NTN1: variants seen among roughly 807,000 people sequenced by gnomAD.
The protein encoded by NTN1 is netrin 1, also known as netrin-1.
In NTN1, 11 loss-of-function variants were observed where a neutral mutation model predicts 54.2. The ratio of observed to expected loss-of-function variants is 0.20; its 90% CI spans 0.13 to 0.34. NTN1 has a LOEUF of 0.34. Ranked by LOEUF, NTN1 falls within the 10% of genes least tolerant of loss-of-function variation. NTN1 has a pLI of 1.00. For synonymous variants in NTN1, 371 were observed against 382.0 expected, an observed-to-expected ratio of 0.97 and a Z score of 0.33; for missense variants, 740 against 893.1, an observed-to-expected ratio of 0.83 and a Z score of 2.18.
intron 2 of NTN1, among the ~76,000 whole-genome samples, chr17:9,029,859 G>T (rs559104306): frequency 1.3e-5 from 2 of 152,220 alleles, no homozygotes; most frequent in South Asian, 4.2e-4. Flanking sequence ...GGGCGTGGTG[G>T]CGTGTGCCTG....
chr17:9,018,544 G>T (rs2091836503), upstream of NTN1, among the ~76,000 whole-genome samples: 1 of 148,944 alleles, frequency 6.7e-6, no homozygotes, highest in Non-Finnish European at 1.5e-5. Flanking sequence ...TGAGGCAGGA[G>T]AATCGCTTGA....
In NTN1 at chr17:9,165,221, G is replaced by A. The variant is rs761330945; in HGVS notation, c.1207+2220G>A. ...CAATTAGAAATGTATGTTTCCCAGA[G>A]AGGCAAGAAGGGGCAGGGCCCTGGT... On this transcript the variant is annotated intron_variant, in intron 3 of 6. Transcript: ENST00000173229. The surrounding 1 kb of genome is among the most constrained non-coding windows in gnomAD (Gnocchi z 4.5). Among the ~76,000 whole-genome samples the A allele has an allele frequency of 7.2e-5, 11 of 152,170 alleles. No homozygotes were observed. Among genetic ancestry groups the A allele is most frequent in the Non-Finnish European group, 1.3e-4 (9 of 68,040 alleles).
chr17:9,020,375 A>G (rs2091841931), upstream of NTN1, among the ~76,000 whole-genome samples: 1 of 152,222 alleles, frequency 6.6e-6, no homozygotes, highest in Admixed American at 6.5e-5. Flanking sequence ...TGACCAAAGG[A>G]TGCTGTCACT....
At chr17:9,223,713 G>A (rs759124512) in intron 6 of NTN1, among the ~76,000 whole-genome samples, 2 of 152,200 alleles carry the variant, frequency 1.3e-5, no homozygotes, top group Non-Finnish European at 2.9e-5. Flanking sequence ...ATGACGACTT[G>A]AGCAGGACGC....
At position 9,152,095 on chromosome 17, in the gene NTN1, G is replaced by A. The variant is rs768187185; in HGVS notation, c.1019-10718G>A. On this transcript the variant is annotated intron_variant, in intron 2 of 6. Transcript: ENST00000173229. ...GCAATCCACTCGGGTCACCTTCCAC[G>A]CTGTGGAAGTTTTGTTCTTTTGCGC... 4.6e-5 allele frequency among the ~76,000 whole-genome samples: 7 copies of A among 152,268 alleles called. No homozygotes were observed. In the South Asian group the frequency reaches 1.0e-3, roughly 23 times the overall value.
the NTN1 span, among the ~76,000 whole-genome samples, chr17:9,007,704 C>T: frequency 6.8e-6 from 1 of 146,016 alleles, no homozygotes; most frequent in Non-Finnish European, 1.5e-5. Flanking sequence ...TCCTTTCTTC[C>T]TTTCTTCCCT....
chr17:9,153,618 C>T (rs1418082811), intron 2 of NTN1, among the ~76,000 whole-genome samples: 1 of 152,154 alleles, frequency 6.6e-6, no homozygotes, highest in Non-Finnish European at 1.5e-5. Flanking sequence ...GAAGAGGGGG[C>T]CACGGTCTGT....
chr17:9,025,627 T>C (rs1021143790), intron 2 of NTN1, among the ~76,000 whole-genome samples: 4 of 152,264 alleles, frequency 2.6e-5, no homozygotes, highest in African/African-American at 7.2e-5. Flanking sequence ...TGAATAGATG[T>C]TCTGATACCT....
At chr17:9,022,286 G>GAGCGCAGCTCCCTT in intron 1 of NTN1, 25 bp from the exon 2 acceptor site, 1 of 1,225,784 alleles carries the variant, frequency 8.2e-7, no homozygotes, top group Non-Finnish European at 1.0e-6. Flanking sequence ...CGGGCTGGCT[G>GAGCGCAGCTCCCTT]AGCGCAGCTC....
intron 5 of NTN1, chr17:9,183,505 TG>T: frequency 5.5e-6 from 2 of 361,744 alleles, no homozygotes; most frequent in Non-Finnish European, 1.1e-5. Context: ...GCCTGCACCG[TG>T]GTCACTGGCG....
chr17:9,034,900 C>A (rs1307310389), intron 2 of NTN1, among the ~76,000 whole-genome samples: 1 of 152,108 alleles, frequency 6.6e-6, no homozygotes, highest in African/African-American at 2.4e-5. Flanking sequence ...AGTTACCACG[C>A]CCCCTACCCA....
intron 2 of NTN1, among the ~76,000 whole-genome samples, chr17:9,128,050 G>A (rs2092253101): frequency 6.6e-6 from 1 of 152,116 alleles, no homozygotes; most frequent in South Asian, 2.1e-4. Context: ...CTGGGAGGCA[G>A]AAGTTGCAGT....
intron 2 of NTN1, among the ~76,000 whole-genome samples, chr17:9,036,676 C>G (rs950890754): frequency 6.6e-6 from 1 of 152,104 alleles, no homozygotes; most frequent in East Asian, 1.9e-4. Context: ...TCCTGTAAAA[C>G]GAGGGGTTGG....
At chr17:9,214,470 T>G (rs1905173947) in intron 5 of NTN1, among the ~76,000 whole-genome samples, 1 of 152,230 alleles carries the variant, frequency 6.6e-6, no homozygotes, top group Admixed American at 6.5e-5. Context: ...TCTTGGTTCG[T>G]TTCTTGTTTT....
chr17:9,137,713 G>A (rs976792068), intron 2 of NTN1, among the ~76,000 whole-genome samples: 2 of 152,058 alleles, frequency 1.3e-5, no homozygotes, highest in Non-Finnish European at 1.5e-5. Flanking sequence ...AGAATCGCTT[G>A]AACCTGGGAG....
At chr17:9,227,069 G>A (rs374892940) in intron 6 of NTN1, among the ~76,000 whole-genome samples, 2 of 151,872 alleles carry the variant, frequency 1.3e-5, no homozygotes, top group Admixed American at 6.6e-5. Context: ...TCCCGTCCCC[G>A]TGCTCCTGGG....
At chr17:9,201,113 A>G (rs1308345459) in intron 5 of NTN1, among the ~76,000 whole-genome samples, 1 of 152,194 alleles carries the variant, frequency 6.6e-6, no homozygotes, top group Non-Finnish European at 1.5e-5. Flanking sequence ...TAGAAAGTTC[A>G]TCTTATGAGG....
intron 2 of NTN1, among the ~76,000 whole-genome samples, chr17:9,023,835 C>T (rs1424848038): frequency 6.6e-6 from 1 of 152,224 alleles, no homozygotes; most frequent in Non-Finnish European, 1.5e-5. Context: ...CCTACAAATC[C>T]CTTGGGAGAT....
intron 2 of NTN1, among the ~76,000 whole-genome samples, chr17:9,049,577 C>T (rs9915089): frequency 0.39 from 59,688 of 152,012 alleles, 12,974 homozygotes; most frequent in African/African-American, 0.59. Context: ...TGAGGAAATA[C>T]GAGATGATCC....
Sources: gnomAD v4.1 joint callset for allele counts (sites outside exome capture counted in the v4.1 genomes callset) on GRCh38, gnomAD v4.1.1 for gene constraint, Gnocchi (gnomAD v3.1) non-coding constraint, MANE v1.5 for transcripts, NCBI Gene and HGNC (gene_info 2026-07-23, HGNC 2026-07-21) for gene names.